IGDCC3: variants seen among roughly 807,000 people sequenced by gnomAD.
IGDCC3 encodes the protein immunoglobulin superfamily DCC subclass member 3.
Under a neutral mutation model 72.0 loss-of-function variants are expected in IGDCC3, and 47 were observed. The ratio of observed to expected loss-of-function variants is 0.65; its 90% CI spans 0.52 to 0.83. The LOEUF is 0.83. Among genes scored for constraint, IGDCC3 ranks in the 40% least tolerant of loss-of-function variants. The pLI is 0.00. For synonymous variants in IGDCC3, 477 were observed against 472.8 expected, an observed-to-expected ratio of 1.01 and a Z score of -0.11; for missense variants, 1,038 against 1,091.3, an observed-to-expected ratio of 0.95 and a Z score of 0.69.
intron 5 of IGDCC3, 77 bp downstream of exon 5, chr15:65,334,651 G>C: frequency 4.0e-6 from 5 of 1,256,202 alleles, no homozygotes; most frequent in Non-Finnish European, 4.3e-6. Context: ...CCTGGAGCTG[G>C]GTGAGGAGTC....
At chr15:65,368,772 G>A (rs549401622) in intron 2 of IGDCC3, among the ~76,000 whole-genome samples, 5 of 152,128 alleles carry the variant, frequency 3.3e-5, no homozygotes, top group South Asian at 2.1e-4. Context: ...ATCCTGCCCC[G>A]CGTGCATTAT....
rs2090958172 is a variant in IGDCC3, at chr15:65,329,641, A to G, written c.1998-44T>C. The G allele has an allele frequency of 6.2e-7, 1 of 1,611,324 alleles. No homozygotes were observed. The highest frequency in any genetic ancestry group is 8.5e-7 in the Non-Finnish European group (1 of 1,177,910). On this transcript the variant is annotated intron_variant, in intron 12 of 13. Transcript: ENST00000327987. This position sits in a 1 kb window ranked among gnomAD's most constrained non-coding sequence, Gnocchi z 4.1. Reference sequence around the variant, plus strand: ...TTGGGGGGAGGGAGAGAGAAAAGAGACAGAGGCAGTGAGCCCACACTCACC... The same window carrying G: ...TTGGGGGGAGGGAGAGAGAAAAGAGGCAGAGGCAGTGAGCCCACACTCACC...
rs770002061 is a variant in IGDCC3 at position 65,331,072 on chromosome 15, G to C, written c.1539C>G (p.Thr513=). 2 of 1,614,048 alleles carry C rather than the reference G, an allele frequency of 1.2e-6. No individual in the cohort carries two copies. Among genetic ancestry groups the C allele is most frequent in the Non-Finnish European group, 1.7e-6 (2 of 1,179,982 alleles). ...PRGASSASVP[T]LASTLGEAPA... ...CACCTTCACCCAGGGTGCTAGCTAG[G>C]GTGGGCACAGAGGCTGAGCTGGCCC... The change falls in exon 9 of 14, where the codon ACC becomes ACG. Residue 513 remains threonine, a synonymous_variant. Transcript: ENST00000327987.
intron 2 of IGDCC3, chr15:65,356,115 G>C (rs2091218441): frequency 4.7e-6 from 1 of 212,208 alleles, no homozygotes; most frequent in South Asian, 5.1e-5. Context: ...GGAAAAACGG[G>C]CACGGCTCTG....
At position 65,331,523 on chromosome 15, in the gene IGDCC3, T is replaced by G. The variant is rs142175528; in HGVS notation, c.1285A>C (p.Asn429His). ...GAAGACACAGAGACTGCCCGCACAT[T>G]GCGGGGAGGCCCGGGGAGCCCCTCA... ...WAEGLPGPPR[N>H]VRAVSVSSTE... The change falls in exon 8 of 14, where the codon AAT becomes CAT. Residue 429 changes from asparagine (N) to histidine (H), a missense_variant. Physicochemically the swap from Asn to His is moderately conservative, Grantham distance 68. Transcript: ENST00000327987. The G allele has an allele frequency of 3.7e-6, 6 of 1,613,728 alleles. No individual in the cohort carries two copies. Among genetic ancestry groups the G allele is most frequent in the Non-Finnish European group, 4.2e-6 (5 of 1,179,942 alleles).
At chr15:65,345,750 G>C (rs924746604) in intron 2 of IGDCC3, among the ~76,000 whole-genome samples, 1 of 152,118 alleles carries the variant, frequency 6.6e-6, no homozygotes, top group Non-Finnish European at 1.5e-5. Context: ...GGCCATCAAG[G>C]GGCAAAGGTT....
In IGDCC3 at chr15:65,333,431, A is replaced by G; in HGVS notation, c.824-16T>C. On this transcript the variant is annotated splice_polypyrimidine_tract_variant and intron_variant, in intron 5 of 13. Transcript: ENST00000327987. Reference sequence around the variant, plus strand: ...GGGCGACCATCTGCAGAGGAAGGGGAGGGGGGATGGGTGAGGGTCAGATAG... The same window carrying G: ...GGGCGACCATCTGCAGAGGAAGGGGGGGGGGGATGGGTGAGGGTCAGATAG... The G allele has an allele frequency of 1.3e-6, 2 of 1,579,284 alleles. No individual in the cohort carries two copies. The highest frequency in any genetic ancestry group is 8.6e-7 in the Non-Finnish European group (1 of 1,161,664).
chr15:65,366,618 C>A lies in IGDCC3; in HGVS notation c.409+8479G>T, dbSNP rs185218802. Among the ~76,000 whole-genome samples the A allele has an allele frequency of 9.9e-5, 15 of 152,270 alleles. No homozygotes were observed. The East Asian group carries it at 2.5e-3, about 25-fold the overall frequency. On this transcript the variant is annotated intron_variant, in intron 2 of 13. Transcript: ENST00000327987. ...AAGAGAGAGAGAAGGGCGGGTGGAG[C>A]CCCTAGGGCACCAGCCCTTTGCATC...
At chr15:65,346,502 G>T (rs148876960) in intron 2 of IGDCC3, among the ~76,000 whole-genome samples, 6 of 152,134 alleles carry the variant, frequency 3.9e-5, no homozygotes, top group Non-Finnish European at 7.4e-5. Context: ...TGTCGCTCAG[G>T]CTGGAGTGCA....
chr15:65,343,628 G>A (rs1171414624), intron 2 of IGDCC3, among the ~76,000 whole-genome samples: 6 of 152,122 alleles, frequency 3.9e-5, no homozygotes, highest in African/African-American at 1.2e-4. Context: ...GTGGCTCTCC[G>A]AGGTATAGTT....
intron 2 of IGDCC3, among the ~76,000 whole-genome samples, chr15:65,356,974 G>A (rs149791173): frequency 0.012 from 1,744 of 149,642 alleles, 48 homozygotes; most frequent in East Asian, 0.11. Flanking sequence ...CTCCGCCTCC[G>A]AAGTAGCTGG....
chr15:65,331,561 G>T lies in IGDCC3; in HGVS notation c.1247C>A (p.Thr416Asn). The T allele has an allele frequency of 1.2e-6, 2 of 1,613,746 alleles. No individual in the cohort carries two copies. The highest frequency in any genetic ancestry group is 8.5e-7 in the Non-Finnish European group (1 of 1,179,896). The change falls in exon 8 of 14, where the codon ACC becomes AAC. Residue 416 changes from threonine to asparagine, a missense_variant. Physicochemically the swap from Thr to Asn is moderately conservative, Grantham distance 65. Transcript: ENST00000327987. ...GGGGAGCCCCTCAGCCCACAGTACG[G>T]TCAGCCTGGCACTGGCCTGTGATGA... Reference protein sequence around the residue: ...AGSSQASARLTVLWAEGLPGP... With the variant: ...AGSSQASARLNVLWAEGLPGP...
chr15:65,328,889 T>G lies in IGDCC3; in HGVS notation c.*20A>C, dbSNP rs1595747371. The G allele has an allele frequency of 6.6e-7, 1 of 1,513,346 alleles. No homozygotes were observed. The highest frequency in any genetic ancestry group is 8.8e-7 in the Non-Finnish European group (1 of 1,134,034). 93.7% of individuals were successfully genotyped at this position (1,513,346 alleles called of 1,614,324 possible). A position where few individuals can be genotyped will look rare whatever the true frequency, so the allele number is the denominator to read the frequency against. Reference sequence around the variant, plus strand: ...AATGGGCCCCGCTCCGTCCACCCTCTGGAGCCTGCCAGACACTGGCTACTG... The same window carrying G: ...AATGGGCCCCGCTCCGTCCACCCTCGGGAGCCTGCCAGACACTGGCTACTG... On this transcript the variant is annotated 3_prime_UTR_variant, in exon 14 of 14. Transcript: ENST00000327987.
At position 65,334,711 on chromosome 15, in the gene IGDCC3, G is replaced by T; in HGVS notation, c.823+17C>A. ...GGACAGGCTGGGAGGGGCAGGGGCTGTGGGGATGAGGCTCACCCAGGCGGC... is the reference window on the plus strand; with the variant it reads ...GGACAGGCTGGGAGGGGCAGGGGCTTTGGGGATGAGGCTCACCCAGGCGGC... On this transcript the variant is annotated intron_variant, in intron 5 of 13. Coordinates refer to ENST00000327987, the MANE Select transcript of IGDCC3 (RefSeq NM_004884.4). 1 of 1,542,572 alleles carries T rather than the reference G, an allele frequency of 6.5e-7. No homozygotes were observed. Among genetic ancestry groups the T allele is most frequent in the Non-Finnish European group, 8.7e-7 (1 of 1,144,210 alleles).
chr15:65,331,022 G>A (rs755835681), intron 9 of IGDCC3, 28 bp downstream of exon 9: 2 of 1,610,094 alleles, frequency 1.2e-6, no homozygotes, highest in South Asian at 2.2e-5. Flanking sequence ...GAGTGCCTGT[G>A]GTTTTGTGCT....
In IGDCC3 at chr15:65,333,387, G is replaced by T. The variant is rs752532820; in HGVS notation, c.852C>A (p.Ile284=). 9.3e-6 allele frequency: 15 copies of T among 1,609,576 alleles called. No individual in the cohort carries two copies. In the East Asian group the frequency reaches 3.4e-4, roughly 36 times the overall value. ...LDGRPIGVEG[I]QVLGTGNLII... Reference sequence around the variant, plus strand: ...TGAGGTTTCCTGTGCCCAGCACCTGGATGCCCTCCACCCCGATAGGGCGAC... The same window carrying T: ...TGAGGTTTCCTGTGCCCAGCACCTGTATGCCCTCCACCCCGATAGGGCGAC... Residue 284 remains isoleucine (I), a synonymous_variant, in exon 6 of 14, where the codon ATC becomes ATA. Coordinates refer to ENST00000327987, the MANE Select transcript of IGDCC3 (RefSeq NM_004884.4).
At chr15:65,335,994 G>A in intron 2 of IGDCC3, 38 bp from the exon 3 acceptor site, 3 of 1,609,710 alleles carry the variant, frequency 1.9e-6, no homozygotes, top group Non-Finnish European at 2.5e-6. Flanking sequence ...GTGCGCTGCT[G>A]AGGGCAGAAG....
Position 65,328,918 on chromosome 15 carries a change from C to T in IGDCC3, c.2436G>A (p.Ser812=), listed in dbSNP as rs2090947757. 11 of 1,540,668 alleles carry T rather than the reference C, an allele frequency of 7.1e-6. No homozygotes were observed. Among genetic ancestry groups the T allele is most frequent in the African/African-American group, 2.8e-5 (2 of 72,048 alleles). Residue 812 remains serine (S), a synonymous_variant, in exon 14 of 14, where the codon TCG becomes TCA. Coordinates refer to ENST00000327987, the MANE Select transcript of IGDCC3 (RefSeq NM_004884.4). The part of the protein sequence containing the change: ...AAARVTQPAH[S]EQ ...GCCTGCCAGACACTGGCTACTGTTC[C>T]GAGTGAGCTGGCTGGGTAACCCGGG...
At chr15:65,330,028 C>A (rs1042565494) in intron 11 of IGDCC3, among the ~76,000 whole-genome samples, 164 bp from the exon 12 acceptor site, 16 of 152,110 alleles carry the variant, frequency 1.1e-4, no homozygotes, top group African/African-American at 3.9e-4. Flanking sequence ...CTTTTTGGTT[C>A]TTTTTACCAG....
Sources: allele counts gnomAD v4.1 joint callset (sites outside exome capture counted in the v4.1 genomes callset), GRCh38; gene constraint gnomAD v4.1.1; non-coding constraint Gnocchi (gnomAD v3.1); transcripts MANE v1.5; gene names NCBI Gene and HGNC (gene_info 2026-07-23, HGNC 2026-07-21).